EIF4G3: variants seen among roughly 807,000 people sequenced by gnomAD.
The protein encoded by EIF4G3 is eIF-4-gamma 3.
A neutral mutation model predicts 186.4 loss-of-function variants in EIF4G3; 34 were observed. The ratio of observed to expected loss-of-function variants is 0.18; its 90% CI spans 0.14 to 0.24. EIF4G3 has a LOEUF of 0.24. Among genes scored for constraint, EIF4G3 ranks in the 10% least tolerant of loss-of-function variants. The probability of loss-of-function intolerance (pLI) is 1.00; values close to 1 mark genes in which losing one functional copy is unlikely to be tolerated. For missense variants in EIF4G3, 1,536 were observed against 1,948.5 expected, an observed-to-expected ratio of 0.79 and a Z score of 3.99; for synonymous variants, 673 against 679.5, an observed-to-expected ratio of 0.99 and a Z score of 0.15.
rs576491153 is a variant in EIF4G3, at chr1:20,922,236, C to T, written c.1664-17265G>A. 2.2e-4 allele frequency among the ~76,000 whole-genome samples: 33 copies of T among 152,276 alleles called. 1 individual carries two copies. The South Asian group carries it at 2.7e-3, about 12-fold the overall frequency. Reference sequence around the variant, plus strand: ...GGTATCTCAAATACTTATCAAAGTGCCACTTAAATCCAAAAATTTTGACGT... The same window carrying T: ...GGTATCTCAAATACTTATCAAAGTGTCACTTAAATCCAAAAATTTTGACGT... On this transcript the variant is annotated intron_variant, in intron 14 of 36. Transcript: ENST00000602326.
chr1:21,004,284 CCATAT>C (rs969408914), intron 4 of EIF4G3, among the ~76,000 whole-genome samples: 9 of 152,180 alleles, frequency 5.9e-5, no homozygotes, highest in African/African-American at 2.2e-4. Flanking sequence ...GGCTCATTTA[CCATAT>C]ATTTTCTGAA....
rs2058178470 is a variant in EIF4G3, at chr1:20,806,786, T to C, written c.*533A>G. 6.6e-6 allele frequency: 1 copy of C among 152,256 alleles called. No homozygotes were observed. The highest frequency in any genetic ancestry group is 2.0e-4 in the East Asian group (1 of 5,062). 9.4% of individuals were successfully genotyped at this position (152,256 alleles called of 1,614,324 possible). ...CAAGCTGAGAGGCAGGCAGAAAGAT[T>C]TGATGCCAAAAAAAAAAAAATCTTT... On this transcript the variant is annotated 3_prime_UTR_variant, in exon 37 of 37. Transcript: ENST00000602326.
Position 20,813,183 on chromosome 1 carries a change from A to G in EIF4G3, c.4572T>C (p.Thr1524=). ...CTATAATAGCTGCTTTACAAACAGC[A>G]GTCATTAAAGCTCTAAGGAATGTAG... ...SSPTFLRALM[T]AVCKAAIIAD... is the part of the protein sequence containing the mutation. The change falls in exon 35 of 37, where the codon ACT becomes ACC. Residue 1524 remains threonine, a synonymous_variant. Coordinates refer to ENST00000602326, the MANE Select transcript of EIF4G3 (RefSeq NM_001391906.1). 1 of 1,613,380 alleles carries G rather than the reference A, an allele frequency of 6.2e-7. No individual in the cohort carries two copies. The highest frequency in any genetic ancestry group is 1.3e-5 in the African/African-American group (1 of 75,042).
chr1:20,921,413 G>GT (rs1172856946), intron 14 of EIF4G3, among the ~76,000 whole-genome samples: 1 of 152,184 alleles, frequency 6.6e-6, no homozygotes, highest in Non-Finnish European at 1.5e-5. Context: ...TTGAAGCGGT[G>GT]TATCAGCTTA....
chr1:20,978,484 G>C (rs1269951668), intron 10 of EIF4G3, among the ~76,000 whole-genome samples: 1 of 152,008 alleles, frequency 6.6e-6, no homozygotes, highest in Non-Finnish European at 1.5e-5. Flanking sequence ...CAACCAGTCT[G>C]AAAATACTAA....
chr1:20,835,872 G>C (rs1208050997), intron 30 of EIF4G3, among the ~76,000 whole-genome samples: 1 of 151,960 alleles, frequency 6.6e-6, no homozygotes, highest in Non-Finnish European at 1.5e-5. Flanking sequence ...AGGAGGTTGA[G>C]GTTGCAGTGA....
chr1:21,008,126 G>A (rs1467313985), intron 4 of EIF4G3, among the ~76,000 whole-genome samples: 1 of 152,168 alleles, frequency 6.6e-6, no homozygotes, highest in Non-Finnish European at 1.5e-5. Context: ...GGGCGACAGA[G>A]TGAGAACCTG....
chr1:20,915,481 A>G (rs769316645), intron 14 of EIF4G3, among the ~76,000 whole-genome samples: 12 of 152,172 alleles, frequency 7.9e-5, no homozygotes, highest in South Asian at 2.1e-4. Flanking sequence ...AAAACACTAA[A>G]TAAAATTTTA....
At chr1:21,131,825 T>C (rs1384591197) in intron 2 of EIF4G3, among the ~76,000 whole-genome samples, 1 of 151,982 alleles carries the variant, frequency 6.6e-6, no homozygotes, top group Admixed American at 6.6e-5. Context: ...CAGAAAACGT[T>C]GCCAGGTGTG....
At chr1:21,100,956 G>C (rs1165101175) in intron 2 of EIF4G3, among the ~76,000 whole-genome samples, 1 of 151,948 alleles carries the variant, frequency 6.6e-6, no homozygotes, top group Non-Finnish European at 1.5e-5. Flanking sequence ...CACTACTCCT[G>C]ACAAACTTCT....
Position 20,957,786 on chromosome 1 carries a change from C to T in EIF4G3, c.715-7675G>A, listed in dbSNP as rs1021155318. ...CTATGAACAACTTTATGCATACAAA[C>T]TATAAAACCTAAAGGAAATGGATAA... On this transcript the variant is annotated intron_variant, in intron 12 of 36. Coordinates refer to ENST00000602326, the MANE Select transcript of EIF4G3 (RefSeq NM_001391906.1). 6.6e-5 allele frequency among the ~76,000 whole-genome samples: 10 copies of T among 152,032 alleles called. 1 individual carries two copies. The highest frequency in any genetic ancestry group is 5.9e-4 in the Admixed American group (9 of 15,262).
chr1:21,016,976 A>C (rs947339838), intron 4 of EIF4G3, among the ~76,000 whole-genome samples: 1 of 152,042 alleles, frequency 6.6e-6, no homozygotes, highest in African/African-American at 2.4e-5. Context: ...TTAAAAAACA[A>C]AACAAAACGA....
chr1:20,993,066 G>C (rs1225902740), intron 7 of EIF4G3, among the ~76,000 whole-genome samples: 1 of 152,160 alleles, frequency 6.6e-6, no homozygotes, highest in Non-Finnish European at 1.5e-5. Flanking sequence ...GAAGAAAACT[G>C]TAATTCTAAA....
intron 4 of EIF4G3, among the ~76,000 whole-genome samples, chr1:21,043,847 G>A (rs1220362461): frequency 6.7e-6 from 1 of 149,910 alleles, no homozygotes; most frequent in African/African-American, 2.5e-5. Context: ...CTCCAGTTTG[G>A]GTGACAGAGT....
At chr1:21,069,444 A>C (rs2095373459) in intron 3 of EIF4G3, among the ~76,000 whole-genome samples, 2 of 152,206 alleles carry the variant, frequency 1.3e-5, no homozygotes, top group South Asian at 4.1e-4. Context: ...AGCACTCTTA[A>C]AGACAAGGAT....
At chr1:21,069,877 A>T (rs2095391408) in intron 3 of EIF4G3, among the ~76,000 whole-genome samples, 1 of 152,220 alleles carries the variant, frequency 6.6e-6, no homozygotes, top group Admixed American at 6.5e-5. Flanking sequence ...ATCATGGGTA[A>T]GAATGAGATT....
intron 2 of EIF4G3, among the ~76,000 whole-genome samples, chr1:21,146,111 TGAG>T (rs1163982407): frequency 1.3e-5 from 2 of 149,528 alleles, no homozygotes; most frequent in Non-Finnish European, 3.0e-5. Flanking sequence ...TAAAAAAAAT[TGAG>T]GAGTAGAGGT....
chr1:21,017,109 A>C (rs572705993), intron 4 of EIF4G3, among the ~76,000 whole-genome samples: 2 of 152,358 alleles, frequency 1.3e-5, no homozygotes, highest in African/African-American at 4.8e-5. Context: ...TGGCACATAC[A>C]TACAAAAAAA....
chr1:20,857,970 T>C (rs1188036672), intron 24 of EIF4G3, among the ~76,000 whole-genome samples: 4 of 152,236 alleles, frequency 2.6e-5, no homozygotes, highest in African/African-American at 9.6e-5. Flanking sequence ...TCTTTCACAC[T>C]TCACATCCAA....
Sources: gnomAD v4.1 joint callset for allele counts (sites outside exome capture counted in the v4.1 genomes callset) on GRCh38, gnomAD v4.1.1 for gene constraint, MANE v1.5 for transcripts, NCBI Gene and HGNC (gene_info 2026-07-23, HGNC 2026-07-21) for gene names.